The following AVIL variants were observed in gnomAD, a reference collection of about 807,000 sequenced individuals.
AVIL encodes the protein advillin.
Under a neutral mutation model 109.9 loss-of-function variants are expected in AVIL, and 78 were observed. The ratio of observed to expected loss-of-function variants is 0.71; its 90% CI spans 0.59 to 0.86. The LOEUF (loss-of-function observed/expected upper bound fraction) is 0.86. Ranked by LOEUF, AVIL falls within the 40% of genes least tolerant of loss-of-function variation. The pLI, the probability that AVIL is intolerant of heterozygous loss-of-function variation, is 0.00. For missense variants in AVIL, 892 were observed against 1,016.5 expected (o/e 0.88, Z 1.67); for synonymous variants, 367 against 379.1 (o/e 0.97, Z 0.37).
In AVIL at chr12:57,797,692, A is replaced by T. The variant is rs1955763830; in HGVS notation, c.*190T>A. 2 of 715,520 alleles carry T rather than the reference A, an allele frequency of 2.8e-6. No individual in the cohort carries two copies. Among genetic ancestry groups the T allele is most frequent in the Non-Finnish European group, 3.8e-6 (2 of 532,112 alleles). 44.3% of individuals were successfully genotyped at this position (715,520 alleles called of 1,614,324 possible). A position where few individuals can be genotyped will look rare whatever the true frequency, so the allele number is the denominator to read the frequency against. ...AAAACCCAAAAACTATATGGTTAAC[A>T]TTTTAGGTATATAACAAGCAAGGAA... On this transcript the variant is annotated 3_prime_UTR_variant, in exon 20 of 20. Transcript: ENST00000549994.
intron 18 of AVIL, 98 bp from the exon 19 acceptor site, chr12:57,800,018 C>G (rs778381875): frequency 1.0e-5 from 15 of 1,440,572 alleles, no homozygotes; most frequent in Non-Finnish European, 1.4e-5. Context: ...TTGACTTATG[C>G]CACTTCACCC....
chr12:57,817,361 G>A (rs1226106070), intron 1 of AVIL, among the ~76,000 whole-genome samples: 3 of 149,950 alleles, frequency 2.0e-5, no homozygotes, highest in Non-Finnish European at 3.0e-5. Flanking sequence ...GAGAGCATGC[G>A]CCATCTAGTA....
At chr12:57,813,701 G>A (rs937296194) in intron 3 of AVIL, among the ~76,000 whole-genome samples, 9 of 152,234 alleles carry the variant, frequency 5.9e-5, no homozygotes, top group African/African-American at 1.9e-4. Context: ...CAGCCGGGTT[G>A]CAGGCTTACC....
chr12:57,810,410 T>G lies in AVIL; in HGVS notation c.700A>C (p.Lys234Gln). 6.2e-7 allele frequency: 1 copy of G among 1,614,190 alleles called. No individual in the cohort carries two copies. The highest frequency in any genetic ancestry group is 8.5e-7 in the Non-Finnish European group (1 of 1,180,036). Residue 234 changes from lysine to glutamine, a missense_variant, in exon 7 of 20, where the codon AAG becomes CAG. Coordinates refer to ENST00000549994, the MANE Select transcript of AVIL (RefSeq NM_006576.4). ...ATGATCTCATCAGGGACTGTAGGCT[T>G]GATAATGGAGCGTCGGCCAAGGGTG... ...QDTLGRRSII[K>Q]PTVPDEIIDQ...
At chr12:57,805,973 A>G (rs1318747840) in intron 14 of AVIL, 2 of 201,348 alleles carry the variant, frequency 9.9e-6, no homozygotes, top group African/African-American at 4.9e-5. Context: ...AGTAGCTGGG[A>G]CTATGGGCGT....
chr12:57,807,941 G>T, intron 11 of AVIL: 1 of 828,098 alleles, frequency 1.2e-6, no homozygotes, highest in Non-Finnish European at 2.0e-6. Flanking sequence ...ATCCCATCAT[G>T]GCTCGGTCTT....
chr12:57,810,900 G>A lies in AVIL; in HGVS notation c.474C>T (p.Asn158=). The A allele has an allele frequency of 6.2e-7, 1 of 1,614,190 alleles. No individual in the cohort carries two copies. Among genetic ancestry groups the A allele is most frequent in the Non-Finnish European group, 8.5e-7 (1 of 1,180,038 alleles). Residue 158 remains asparagine (N), a synonymous_variant, in exon 6 of 20, where the codon AAC becomes AAT. Transcript: ENST00000549994. ...TEVEMSWDSF[N]RGDVFLLDLG... is the part of the protein sequence containing the mutation. ...GGTCCAGCAAGAAGACATCACCTCG[G>A]TTGAAACTGTCCCAGCTCATTTCCA...
intron 13 of AVIL, among the ~76,000 whole-genome samples, chr12:57,806,996 AG>A (rs1052710298): frequency 1.8e-4 from 27 of 152,182 alleles, no homozygotes; most frequent in Non-Finnish European, 4.4e-5. Context: ...CTGAAGCAGG[AG>A]GGGTATGGTA....
At chr12:57,804,583 A>G (rs968231419) in intron 14 of AVIL, among the ~76,000 whole-genome samples, 3 of 152,260 alleles carry the variant, frequency 2.0e-5, no homozygotes, top group Non-Finnish European at 2.9e-5. Flanking sequence ...AGGCTGAGGC[A>G]GGTGGATCAC....
intron 14 of AVIL, among the ~76,000 whole-genome samples, chr12:57,805,341 G>C (rs1204609695): frequency 6.6e-6 from 1 of 152,164 alleles, no homozygotes; most frequent in African/African-American, 2.4e-5. Context: ...ACAGGCGTGA[G>C]CCACCGCGCC....
At chr12:57,809,523 G>T in intron 9 of AVIL, 74 bp downstream of exon 9, 1 of 1,519,462 alleles carries the variant, frequency 6.6e-7, no homozygotes. Flanking sequence ...ACCTAGCATG[G>T]CTCTGTGGAG....
chr12:57,805,432 C>G (rs1233928274), intron 14 of AVIL, among the ~76,000 whole-genome samples: 2 of 152,094 alleles, frequency 1.3e-5, no homozygotes, highest in African/African-American at 4.8e-5. Flanking sequence ...TAGTGCCTGT[C>G]TGTTAGAGTC....
At chr12:57,815,620 CAT>C in intron 2 of AVIL, 1 of 1,305,710 alleles carries the variant, frequency 7.7e-7, no homozygotes, top group South Asian at 1.3e-5. Flanking sequence ...CCGTGGAAGA[CAT>C]GTTCCATTTC....
Position 57,810,561 on chromosome 12 carries a change from A to G in AVIL, c.559-10T>C. On this transcript the variant is annotated splice_polypyrimidine_tract_variant and intron_variant, in intron 6 of 19. Transcript: ENST00000549994. Reference sequence around the variant, plus strand: ...TTGCCAGAAGCATAGCCTGTCAAAGAAGCCCAAGGAAGCCCTCAGCTCCTC... The same window carrying G: ...TTGCCAGAAGCATAGCCTGTCAAAGGAGCCCAAGGAAGCCCTCAGCTCCTC... 1 of 1,612,274 alleles carries G rather than the reference A, an allele frequency of 6.2e-7. No homozygotes were observed. The highest frequency in any genetic ancestry group is 8.5e-7 in the Non-Finnish European group (1 of 1,179,864).
intron 14 of AVIL, chr12:57,804,190 G>A (rs1955905420): frequency 6.5e-6 from 1 of 152,894 alleles, no homozygotes; most frequent in Admixed American, 6.5e-5. Flanking sequence ...CATCACTATA[G>A]TTTTGCCTTT....
At chr12:57,810,273 C>G (rs1258104856) in intron 7 of AVIL, 76 bp downstream of exon 7, 3 of 1,494,846 alleles carry the variant, frequency 2.0e-6, no homozygotes, top group African/African-American at 2.8e-5. Context: ...AGGAGCCAAG[C>G]AGAGGTGGCT....
rs375054932 is a variant in AVIL, at chr12:57,812,357, TTTTTG to T, written c.338+865_338+869del. 3.9e-3 allele frequency among the ~76,000 whole-genome samples: 577 copies of T among 148,898 alleles called. 2 individuals are homozygous for T. The highest frequency in any genetic ancestry group is 0.013 in the African/African-American group (534 of 40,354). ...CCCATCCTGTTGTTTTGTGTGCATG[TTTTTG>T]TTTTGTTTTGTTTTGTTTGAGATGG... On this transcript the variant is annotated intron_variant, in intron 4 of 19. Coordinates refer to ENST00000549994, the MANE Select transcript of AVIL (RefSeq NM_006576.4).
chr12:57,803,101 CT>C (rs1156375635), intron 16 of AVIL, 145 bp downstream of exon 16: 5 of 1,082,572 alleles, frequency 4.6e-6, no homozygotes, highest in Non-Finnish European at 6.6e-6. Context: ...CCCGGGCTTT[CT>C]TTTGGTCACT....
At chr12:57,812,177 C>T (rs1226008570) in intron 4 of AVIL, among the ~76,000 whole-genome samples, 2 of 152,160 alleles carry the variant, frequency 1.3e-5, no homozygotes, top group African/African-American at 4.8e-5. Flanking sequence ...AGGAGTGCAC[C>T]GCCATGCCTG....
Sources: allele counts gnomAD v4.1 joint callset (sites outside exome capture counted in the v4.1 genomes callset), GRCh38; gene constraint gnomAD v4.1.1; transcripts MANE v1.5; gene names NCBI Gene and HGNC (gene_info 2026-07-23, HGNC 2026-07-21).